TRIT1: variants seen among roughly 807,000 people sequenced by gnomAD.
The protein encoded by TRIT1 is tRNA isopentenyltransferase 1.
Under a neutral mutation model 51.2 loss-of-function variants are expected in TRIT1, and 43 were observed. The ratio of observed to expected loss-of-function variants is 0.84; its 90% confidence interval spans 0.66 to 1.08. The LOEUF is 1.08. TRIT1 is among the 50% of genes least tolerant of loss of function. The pLI, the probability that TRIT1 is intolerant of heterozygous loss-of-function variation, is 0.00. For synonymous variants in TRIT1, 184 were observed against 203.9 expected, an observed-to-expected ratio of 0.90 and a Z score of 0.83; for missense variants, 528 against 578.4, an observed-to-expected ratio of 0.91 and a Z score of 0.89.
intron 8 of TRIT1, 133 bp downstream of exon 8, chr1:39,847,087 T>TGTTCC: frequency 1.5e-6 from 1 of 657,246 alleles, no homozygotes; most frequent in Admixed American, 3.0e-5. Context: ...ATTTATGTTA[T>TGTTCC]AGAACTTCCC....
At position 39,841,847 on chromosome 1, in the gene TRIT1, A is replaced by C. The variant is rs1641925599; in HGVS notation, c.1301T>G (p.Val434Gly). The C allele has an allele frequency of 1.1e-5, 17 of 1,614,118 alleles. No individual in the cohort carries two copies. Among genetic ancestry groups the C allele is most frequent in the Non-Finnish European group, 1.4e-5 (17 of 1,179,978 alleles). ...AACACTCTGACTTTCTATGGTGTTG[A>C]CAGCATCTGAGTCCAATCTTCTTCT... ...KKRRRLDSDA[V>G]NTIESQSVSP... Residue 434 changes from valine to glycine, a missense_variant, in exon 11 of 11, where the codon GTC becomes GGC. Transcript: ENST00000316891.
At chr1:39,843,568 T>C (rs1184239701) in intron 10 of TRIT1, among the ~76,000 whole-genome samples, 1 of 152,224 alleles carries the variant, frequency 6.6e-6, no homozygotes, top group Non-Finnish European at 1.5e-5. Flanking sequence ...CAGTTTCTCT[T>C]AACTTCTTTT....
chr1:39,847,863 TAAAAAACTGCATCTGC>T lies in TRIT1; in HGVS notation c.815+107_815+122del, dbSNP rs367853894. 1,034 of 1,353,414 alleles carry T rather than the reference TAAAAAACTGCATCTGC, an allele frequency of 7.6e-4. 3 individuals carry two copies. In the African/African-American group the frequency reaches 0.012, roughly 16 times the overall value. 83.8% of individuals were successfully genotyped at this position (1,353,414 alleles called of 1,614,324 possible). On this transcript the variant is annotated intron_variant, in intron 6 of 10. Coordinates refer to ENST00000316891, the MANE Select transcript of TRIT1 (RefSeq NM_017646.6). ...TAACTCCTGGGACTGTCTGAAAGATTAAAAAACTGCATCTGCAAAGAAGGCTGATAAACAAGTAGAC... is the reference window on the plus strand; with the variant it reads ...TAACTCCTGGGACTGTCTGAAAGATTAAAGAAGGCTGATAAACAAGTAGAC...
chr1:39,879,065 C>T (rs959620616), intron 1 of TRIT1, among the ~76,000 whole-genome samples: 3 of 151,868 alleles, frequency 2.0e-5, no homozygotes, highest in Non-Finnish European at 2.9e-5. Flanking sequence ...GTCAAGAGAT[C>T]GAGACCATCC....
intron 1 of TRIT1, chr1:39,875,942 C>T (rs1230568996): frequency 6.6e-6 from 1 of 152,000 alleles, no homozygotes; most frequent in African/African-American, 2.4e-5. Context: ...TTAGAACTGC[C>T]TGACATATAT....
intron 1 of TRIT1, among the ~76,000 whole-genome samples, chr1:39,867,436 C>A (rs74524571): frequency 6.6e-6 from 1 of 152,138 alleles, no homozygotes; most frequent in Non-Finnish European, 1.5e-5. Flanking sequence ...TGAGCCACTG[C>A]GCCTGGCCAA....
rs12049393 is a variant in TRIT1, at chr1:39,838,633, G to A, written c.*3111C>T. Among the ~76,000 whole-genome samples, 9,680 of 151,954 alleles carry A rather than the reference G, an allele frequency of 0.064. 760 individuals are homozygous for A. Among genetic ancestry groups the A allele is most frequent in the East Asian group, 0.18 (944 of 5,150 alleles). On this transcript the variant is annotated 3_prime_UTR_variant, in exon 11 of 11. Transcript: ENST00000316891. The stretch of plus-strand genomic sequence containing the variant: ...ACTATAGGCATGACCCACCATACCC[G>A]GCATGCATACATATATATATATGTA...
chr1:39,847,977 A>T lies in TRIT1; in HGVS notation c.815+9T>A, dbSNP rs751672103. On this transcript the variant is annotated intron_variant, in intron 6 of 10. Transcript: ENST00000316891. The stretch of plus-strand genomic sequence containing the variant: ...GGACAGTAGGTCAGAATAACAGCCA[A>T]ATCCTCACCTATTTTCCGAAACATT... 1 of 1,610,220 alleles carries T rather than the reference A, an allele frequency of 6.2e-7. No homozygotes were observed. Among genetic ancestry groups the T allele is most frequent in the Admixed American group, 1.7e-5 (1 of 60,024 alleles).
intron 1 of TRIT1, among the ~76,000 whole-genome samples, chr1:39,865,561 G>A (rs564333509): frequency 3.9e-4 from 58 of 150,644 alleles, no homozygotes; most frequent in African/African-American, 1.4e-3. Context: ...TTCTCATCAG[G>A]CATGGTGGCT....
intron 1 of TRIT1, among the ~76,000 whole-genome samples, chr1:39,869,771 G>T (rs1252580633): frequency 6.6e-6 from 1 of 150,764 alleles, no homozygotes; most frequent in Non-Finnish European, 1.5e-5. Flanking sequence ...CCATCTGGGA[G>T]GTGAGGAGCG....
intron 1 of TRIT1, among the ~76,000 whole-genome samples, chr1:39,880,845 C>T (rs1472326729): frequency 2.0e-5 from 3 of 151,312 alleles, no homozygotes; most frequent in African/African-American, 7.3e-5. Context: ...CTTTGGTACA[C>T]AGCTATGAGT....
intron 1 of TRIT1, among the ~76,000 whole-genome samples, chr1:39,863,335 C>G (rs11587573): frequency 6.6e-6 from 1 of 152,082 alleles, no homozygotes; most frequent in Admixed American, 6.5e-5. Flanking sequence ...TGTGGTGGCA[C>G]GTGCCTCCCG....
chr1:39,848,826 CA>C (rs530561057), intron 5 of TRIT1, among the ~76,000 whole-genome samples: 21 of 141,216 alleles, frequency 1.5e-4, no homozygotes, highest in South Asian at 4.5e-4. Context: ...CTGTCTCAAA[CA>C]AAAAAAAAAG....
At chr1:39,869,497 G>A (rs1029245531) in intron 1 of TRIT1, among the ~76,000 whole-genome samples, 10 of 152,284 alleles carry the variant, frequency 6.6e-5, no homozygotes, top group Non-Finnish European at 1.3e-4. Context: ...CCAAAGTGCC[G>A]AGATTGCAGC....
chr1:39,849,865 G>A (rs1238323349), intron 5 of TRIT1, among the ~76,000 whole-genome samples: 2 of 151,974 alleles, frequency 1.3e-5, no homozygotes, highest in African/African-American at 4.8e-5. Flanking sequence ...TTCCCATTCC[G>A]TCCATCCCAT....
chr1:39,849,349 G>T (rs1327166280), intron 5 of TRIT1, among the ~76,000 whole-genome samples: 1 of 152,154 alleles, frequency 6.6e-6, no homozygotes, highest in Admixed American at 6.5e-5. Context: ...TGCCTCAAGA[G>T]CCTGTGCTCT....
chr1:39,850,521 T>C (rs1642500342), intron 4 of TRIT1, among the ~76,000 whole-genome samples: 1 of 152,146 alleles, frequency 6.6e-6, no homozygotes, highest in Non-Finnish European at 1.5e-5. Flanking sequence ...GAAAGGCTTA[T>C]TCTCATTTTC....
chr1:39,849,786 C>T (rs1642453551), intron 5 of TRIT1, among the ~76,000 whole-genome samples: 1 of 152,184 alleles, frequency 6.6e-6, no homozygotes, highest in South Asian at 2.1e-4. Flanking sequence ...ACATTCTAGC[C>T]TCCAGCCAAC....
intron 1 of TRIT1, among the ~76,000 whole-genome samples, chr1:39,861,344 G>A (rs1024348882): frequency 6.6e-6 from 1 of 151,960 alleles, no homozygotes; most frequent in East Asian, 1.9e-4. Context: ...AACGAGACCC[G>A]ATCTCTAGAA....
Sources: allele counts gnomAD v4.1 joint callset (sites outside exome capture counted in the v4.1 genomes callset), GRCh38; gene constraint gnomAD v4.1.1; transcripts MANE v1.5; gene names NCBI Gene and HGNC (gene_info 2026-07-23, HGNC 2026-07-21).